AACS: variants seen among roughly 807,000 people sequenced by gnomAD.
The protein encoded by AACS is acetoacetyl-CoA synthetase, also known as acetoacetate-CoA ligase.
In AACS, 69 loss-of-function variants were observed where a neutral mutation model predicts 83.1. The observed-to-expected ratio is 0.83, with a 90% confidence interval of 0.68 to 1.01. AACS has a LOEUF of 1.01. Ranked by LOEUF, AACS falls within the 50% of genes least tolerant of loss-of-function variation. The pLI is 0.00. For missense variants in AACS, 866 were observed against 882.2 expected, an observed-to-expected ratio of 0.98 and a Z score of 0.23; for synonymous variants, 333 against 343.4, an observed-to-expected ratio of 0.97 and a Z score of 0.33.
chr12:125,083,977 C>T (rs1352599153), intron 3 of AACS, among the ~76,000 whole-genome samples: 1 of 152,042 alleles, frequency 6.6e-6, no homozygotes, highest in African/African-American at 2.4e-5. Flanking sequence ...TTGATGCATG[C>T]AATAACTTAA....
At chr12:125,141,241 G>A (rs1216460424) in intron 17 of AACS, 1 of 152,610 alleles carries the variant, frequency 6.6e-6, no homozygotes, top group African/African-American at 2.4e-5. Context: ...GGCTGACCCT[G>A]AACCCTGAGA....
rs1182496509 is a variant in AACS at position 125,080,942 on chromosome 12, T to C, written c.358+4331T>C. ...TCCTGACCTCGTGATCCACCCGCCT[T>C]GGCCTCCCAAAGTGCTGGGATTACA... On this transcript the variant is annotated intron_variant, in intron 3 of 17. Coordinates refer to ENST00000316519, the MANE Select transcript of AACS (RefSeq NM_023928.5). Among the ~76,000 whole-genome samples, 10 of 151,084 alleles carry C rather than the reference T, an allele frequency of 6.6e-5. No homozygotes were observed. The South Asian group carries it at 8.4e-4, about 13-fold the overall frequency.
intron 10 of AACS, chr12:125,122,396 G>T (rs1476954301): frequency 6.6e-6 from 1 of 152,216 alleles, no homozygotes; most frequent in African/African-American, 2.4e-5. Context: ...AGCACTTTGG[G>T]AGGCTGAGGT....
intron 3 of AACS, 70 bp from the exon 4 acceptor site, chr12:125,086,260 T>C: frequency 7.4e-7 from 1 of 1,355,090 alleles, no homozygotes; most frequent in South Asian, 1.2e-5. Flanking sequence ...GGATTTTTCA[T>C]TCAGTGTCTG....
At chr12:125,131,929 A>T (rs946307410) in intron 14 of AACS, among the ~76,000 whole-genome samples, 1 of 152,196 alleles carries the variant, frequency 6.6e-6, no homozygotes, top group Non-Finnish European at 1.5e-5. Context: ...TTAAAATTTT[A>T]AAAGAAAGTA....
chr12:125,092,984 G>C (rs901719481), intron 5 of AACS, among the ~76,000 whole-genome samples: 1 of 152,186 alleles, frequency 6.6e-6, no homozygotes, highest in Non-Finnish European at 1.5e-5. Context: ...TCCTTGATCA[G>C]TGTCCATGGG....
At chr12:125,078,044 A>G (rs977099481) in intron 3 of AACS, 1 of 424,728 alleles carries the variant, frequency 2.4e-6, no homozygotes, top group African/African-American at 2.1e-5. Context: ...CCAGAGAAAG[A>G]TTAATTCACT....
chr12:125,132,324 G>A (rs1034476500), intron 14 of AACS, among the ~76,000 whole-genome samples: 2 of 152,122 alleles, frequency 1.3e-5, no homozygotes, highest in African/African-American at 4.8e-5. Flanking sequence ...CAGTAATTAG[G>A]GCACAGTACT....
rs73423536 is a variant in AACS at position 125,113,843 on chromosome 12, C to T, written c.916-634C>T. The stretch of plus-strand genomic sequence containing the variant: ...TAGTATCTGCTTCAGAGTTCTGGAC[C>T]GTGCAAATACATTGCCTATTAAGCA... On this transcript the variant is annotated intron_variant, in intron 8 of 17. Coordinates refer to ENST00000316519, the MANE Select transcript of AACS (RefSeq NM_023928.5). The surrounding 1 kb of genome is among the most constrained non-coding windows in gnomAD (Gnocchi z 4.8). Among the ~76,000 whole-genome samples, 5,463 of 152,132 alleles carry T rather than the reference C, an allele frequency of 0.036. 325 individuals are homozygous for T. The highest frequency in any genetic ancestry group is 0.12 in the African/African-American group (5,105 of 41,452).
In AACS at chr12:125,136,754, T is replaced by A. The variant is rs761226888; in HGVS notation, c.1771T>A (p.Ser591Thr). The change falls in exon 17 of 18, where the codon TCC (serine) becomes ACC (threonine). Residue 591 changes from serine to threonine, a missense_variant. Physicochemically the swap from Ser to Thr is moderately conservative, Grantham distance 58. Transcript: ENST00000316519. ...ERVILFLKMA[S>T]GHAFQPDLVK... ...GGTGATCCTCTTCCTGAAGATGGCC[T>A]CCGGGCACGCCTTCCAGCCTGACTT... The A allele has an allele frequency of 1.2e-6, 2 of 1,614,112 alleles. No individual in the cohort carries two copies. Among genetic ancestry groups the A allele is most frequent in the Non-Finnish European group, 1.7e-6 (2 of 1,180,032 alleles).
chr12:125,136,639 T>C, intron 16 of AACS, 23 bp from the exon 17 acceptor site: 1 of 1,609,284 alleles, frequency 6.2e-7, no homozygotes, highest in Non-Finnish European at 8.5e-7. Flanking sequence ...TGCGTGAATG[T>C]GCACCCTCTC....
rs943430146 is a variant in AACS at position 125,113,456 on chromosome 12, G to A, written c.916-1021G>A. 1.3e-5 allele frequency among the ~76,000 whole-genome samples: 2 copies of A among 152,188 alleles called. No homozygotes were observed. Among genetic ancestry groups the A allele is most frequent in the Non-Finnish European group, 2.9e-5 (2 of 68,042 alleles). On this transcript the variant is annotated intron_variant, in intron 8 of 17. Transcript: ENST00000316519. This position sits in a 1 kb window ranked among gnomAD's most constrained non-coding sequence, Gnocchi z 4.8. Reference sequence around the variant, plus strand: ...AGACAGGAAAACCGAGGCTGGGAGCGTGGAGTGACGGGTGCAGGGGCCACT... The same window carrying A: ...AGACAGGAAAACCGAGGCTGGGAGCATGGAGTGACGGGTGCAGGGGCCACT...
chr12:125,141,095 G>A (rs963951035), intron 17 of AACS: 2 of 152,228 alleles, frequency 1.3e-5, no homozygotes, highest in East Asian at 1.9e-4. Context: ...ATTCGAGGAA[G>A]TGAACTCAGG....
At chr12:125,079,854 ACT>A (rs950838141) in intron 3 of AACS, among the ~76,000 whole-genome samples, 3 of 151,678 alleles carry the variant, frequency 2.0e-5, no homozygotes, top group African/African-American at 7.3e-5. Context: ...ATTAGCAGTC[ACT>A]CTCTGTTCCT....
chr12:125,109,433 C>G (rs538950131), intron 8 of AACS, among the ~76,000 whole-genome samples: 1 of 152,306 alleles, frequency 6.6e-6, no homozygotes, highest in South Asian at 2.1e-4. Context: ...CCATTTTTAA[C>G]ACGTCCTAAA....
chr12:125,117,783 C>G (rs1027887890), intron 9 of AACS: 22 of 152,108 alleles, frequency 1.4e-4, no homozygotes, highest in African/African-American at 5.3e-4. Flanking sequence ...GCCAGGAGTT[C>G]AAGATTAGCC....
intron 10 of AACS, chr12:125,123,731 A>C (rs1342573109): frequency 6.6e-6 from 1 of 152,288 alleles, no homozygotes; most frequent in African/African-American, 2.4e-5. Context: ...GTGACCCAGA[A>C]GAGTCTGAAT....
intron 1 of AACS, among the ~76,000 whole-genome samples, chr12:125,072,155 C>T (rs989421177): frequency 1.4e-5 from 2 of 141,556 alleles, no homozygotes; most frequent in Non-Finnish European, 3.1e-5. Context: ...CCGCTCCTGG[C>T]GCTTTTTTTT....
At chr12:125,116,681 G>A (rs1414809162) in intron 9 of AACS, among the ~76,000 whole-genome samples, 3 of 152,028 alleles carry the variant, frequency 2.0e-5, no homozygotes, top group African/African-American at 7.2e-5. Context: ...TGGCCAGGAT[G>A]GTCTCAATGT....
Sources: gnomAD v4.1 joint callset for allele counts (sites outside exome capture counted in the v4.1 genomes callset) on GRCh38, gnomAD v4.1.1 for gene constraint, Gnocchi (gnomAD v3.1) non-coding constraint, MANE v1.5 for transcripts, NCBI Gene and HGNC (gene_info 2026-07-23, HGNC 2026-07-21) for gene names.